Variants in ITGA9 observed in about 807,000 individuals in gnomAD.
ITGA9 encodes the protein integrin alpha-9.
A neutral mutation model predicts 127.8 loss-of-function variants in ITGA9; 56 were observed. The observed-to-expected ratio is 0.44, with a 90% CI of 0.35 to 0.55. ITGA9 has a LOEUF of 0.55. Ranked by LOEUF, ITGA9 falls within the 20% of genes least tolerant of loss-of-function variation. The pLI, the probability that ITGA9 is intolerant of heterozygous loss-of-function variation, is 0.00. For synonymous variants in ITGA9, 508 were observed against 514.5 expected, an observed-to-expected ratio of 0.99 and a Z score of 0.17; for missense variants, 1,196 against 1,347.1, an observed-to-expected ratio of 0.89 and a Z score of 1.76.
At chr3:37,763,040 C>T (rs1044205682) in intron 23 of ITGA9, among the ~76,000 whole-genome samples, 11 of 152,334 alleles carry the variant, frequency 7.2e-5, no homozygotes, top group Middle Eastern at 3.4e-3. Flanking sequence ...TATTTTTATA[C>T]ACATGTTCAT....
intron 9 of ITGA9, 93 bp from the exon 10 acceptor site, chr3:37,517,411 C>A: frequency 1.1e-6 from 1 of 941,640 alleles, no homozygotes; most frequent in Non-Finnish European, 1.7e-6. Context: ...TCTAGCAGGG[C>A]AGCATTCAAA....
chr3:37,692,507 G>C (rs1198024701), intron 18 of ITGA9, among the ~76,000 whole-genome samples: 1 of 151,534 alleles, frequency 6.6e-6, no homozygotes, highest in Non-Finnish European at 1.5e-5. Context: ...TTAATGAGTT[G>C]CTTGTACTTA....
chr3:37,529,260 A>G (rs554954028), intron 13 of ITGA9, among the ~76,000 whole-genome samples: 10 of 152,328 alleles, frequency 6.6e-5, no homozygotes, highest in Admixed American at 2.0e-4. Context: ...TCTTATTAAT[A>G]TAAAAGGGAA....
chr3:37,735,081 A>G (rs1459604494), intron 19 of ITGA9, among the ~76,000 whole-genome samples: 9 of 152,246 alleles, frequency 5.9e-5, no homozygotes, highest in Non-Finnish European at 1.3e-4. Flanking sequence ...CCTCATGGCT[A>G]TACTTTGGCT....
intron 15 of ITGA9, among the ~76,000 whole-genome samples, chr3:37,595,310 C>T (rs1337308786): frequency 6.6e-6 from 1 of 152,126 alleles, no homozygotes; most frequent in African/African-American, 2.4e-5. Flanking sequence ...ACCTGTGGAC[C>T]AGGCTGGGGA....
chr3:37,705,434 G>A (rs1175138775), intron 18 of ITGA9, among the ~76,000 whole-genome samples: 3 of 152,182 alleles, frequency 2.0e-5, no homozygotes, highest in Non-Finnish European at 4.4e-5. Context: ...CCTGGGAAAG[G>A]AAATGGTCTG....
At chr3:37,485,964 G>A (rs951130092) in intron 4 of ITGA9, among the ~76,000 whole-genome samples, 4 of 152,178 alleles carry the variant, frequency 2.6e-5, no homozygotes, top group Admixed American at 6.5e-5. Flanking sequence ...TTGGTGGGAC[G>A]ATGTATAGGG....
At chr3:37,639,749 T>G (rs1700314488) in intron 16 of ITGA9, among the ~76,000 whole-genome samples, 1 of 152,100 alleles carries the variant, frequency 6.6e-6, no homozygotes, top group Non-Finnish European at 1.5e-5. Flanking sequence ...GGTGAGTCCC[T>G]GGGGAGTCTG....
intron 19 of ITGA9, among the ~76,000 whole-genome samples, chr3:37,735,968 A>G (rs1696356528): frequency 6.6e-6 from 1 of 152,242 alleles, no homozygotes; most frequent in Non-Finnish European, 1.5e-5. Flanking sequence ...GAGAAGTTCA[A>G]GGTCATGGTC....
At chr3:37,578,330 G>A (rs1460278400) in intron 15 of ITGA9, among the ~76,000 whole-genome samples, 3 of 152,210 alleles carry the variant, frequency 2.0e-5, no homozygotes, top group Non-Finnish European at 4.4e-5. Flanking sequence ...ATAGGCCAGT[G>A]TGGGGTAAGG....
intron 18 of ITGA9, among the ~76,000 whole-genome samples, chr3:37,720,850 G>A (rs775544384): frequency 3.9e-4 from 60 of 152,292 alleles, no homozygotes; most frequent in Non-Finnish European, 4.9e-4. Flanking sequence ...TTGATTCACC[G>A]CACTACAGAG....
intron 24 of ITGA9, among the ~76,000 whole-genome samples, chr3:37,778,872 G>GTTTTT (rs10583231): frequency 1.5e-4 from 16 of 106,220 alleles, no homozygotes; most frequent in Middle Eastern, 5.4e-3. Context: ...GAAAGGTTGG[G>GTTTTT]TTTTTTTTTT....
chr3:37,527,871 C>T (rs942920848), intron 13 of ITGA9, among the ~76,000 whole-genome samples: 12 of 152,160 alleles, frequency 7.9e-5, no homozygotes, highest in East Asian at 3.9e-4. Context: ...CCACAACCTC[C>T]GCCTCCTGGG....
At chr3:37,789,492 G>T (rs570931636) in intron 26 of ITGA9, among the ~76,000 whole-genome samples, 1 of 152,054 alleles carries the variant, frequency 6.6e-6, no homozygotes, top group South Asian at 2.1e-4. Flanking sequence ...AGGCGCGGTG[G>T]CTCACACCTG....
Position 37,819,324 on chromosome 3 carries a change from G to T in ITGA9, c.*335G>T. On this transcript the variant is annotated 3_prime_UTR_variant, in exon 28 of 28. Coordinates refer to ENST00000264741, the MANE Select transcript of ITGA9 (RefSeq NM_002207.3). ...TTTATAAATATAAGCCTTTTATACTGATTATGTCTTTTATATTTGTATCGA... is the reference window on the plus strand; with the variant it reads ...TTTATAAATATAAGCCTTTTATACTTATTATGTCTTTTATATTTGTATCGA... 1 of 277,866 alleles carries T rather than the reference G, an allele frequency of 3.6e-6. No individual in the cohort carries two copies. Among genetic ancestry groups the T allele is most frequent in the East Asian group, 7.7e-5 (1 of 13,060 alleles). The allele number at this position is 277,866 out of a possible 1,614,324, so 17.2% of individuals were successfully genotyped here.
In ITGA9 at chr3:37,629,188, G is replaced by A. The variant is rs61751189; in HGVS notation, c.1691G>A (p.Arg564Gln). The change falls in exon 16 of 28, where the codon CGG (arginine) becomes CAG (glutamine). Residue 564 changes from arginine (R) to glutamine (Q), a missense_variant and splice_region_variant. Physicochemically the swap from Arg to Gln is conservative, Grantham distance 43. Transcript: ENST00000264741. This position sits in a 1 kb window ranked among gnomAD's most constrained non-coding sequence, Gnocchi z 4.5. ...TCRHYVAHVK[R>Q]RVQDVISPIV... is the part of the protein sequence containing the mutation. ...GCACGTATTTGTTTATTGTTTCAGC[G>A]GAGGGTGCAGGACGTCATCAGCCCG... 7,560 of 1,612,580 alleles carry A rather than the reference G, an allele frequency of 4.7e-3. 33 individuals carry two copies. The highest frequency in any genetic ancestry group is 9.3e-3 in the Middle Eastern group (46 of 4,934).
chr3:37,700,073 T>A (rs1700929389), intron 18 of ITGA9, among the ~76,000 whole-genome samples: 1 of 152,156 alleles, frequency 6.6e-6, no homozygotes, highest in Non-Finnish European at 1.5e-5. Context: ...AACCTCCGCC[T>A]CCCTGGTTCA....
At chr3:37,478,546 TC>T (rs1446422206) in intron 3 of ITGA9, among the ~76,000 whole-genome samples, 1 of 152,236 alleles carries the variant, frequency 6.6e-6, no homozygotes, top group African/African-American at 2.4e-5. Flanking sequence ...TTAGTTGAAA[TC>T]TGAGTTTGAG....
chr3:37,682,633 A>G (rs1218778269), intron 17 of ITGA9, among the ~76,000 whole-genome samples: 2 of 152,128 alleles, frequency 1.3e-5, no homozygotes, highest in African/African-American at 4.8e-5. Context: ...ACCTGCCTCA[A>G]AATCTCCTTT....
Sources: gnomAD v4.1 joint callset for allele counts (sites outside exome capture counted in the v4.1 genomes callset) on GRCh38, gnomAD v4.1.1 for gene constraint, Gnocchi (gnomAD v3.1) non-coding constraint, MANE v1.5 for transcripts, NCBI Gene and HGNC (gene_info 2026-07-23, HGNC 2026-07-21) for gene names.